PTPRD: variants seen among roughly 807,000 people sequenced by gnomAD.
PTPRD encodes the protein receptor-type tyrosine-protein phosphatase delta.
PTPRD carries 34 observed loss-of-function variants against 214.5 expected under a neutral mutation model. The observed-to-expected ratio is 0.16, with a 90% CI of 0.12 to 0.21. The LOEUF (loss-of-function observed/expected upper bound fraction) is 0.21. PTPRD is among the 10% of genes least tolerant of loss of function. PTPRD has a pLI of 1.00. For missense variants in PTPRD, 2,545 were observed against 2,398.7 expected (o/e 1.06, Z -1.27); for synonymous variants, 1,128 against 845.7 (o/e 1.33, Z -5.79).
intron 24 of PTPRD, 117 bp downstream of exon 24, chr9:8,500,637 A>G: frequency 1.1e-6 from 1 of 936,810 alleles, no homozygotes; most frequent in East Asian, 2.6e-5. Context: ...TACTAAAGTA[A>G]CAGCAATGCT....
At chr9:9,908,219 T>G (rs1185255725) in intron 5 of PTPRD, among the ~76,000 whole-genome samples, 1 of 152,084 alleles carries the variant, frequency 6.6e-6, no homozygotes, top group Non-Finnish European at 1.5e-5. Flanking sequence ...CTCTGGAATT[T>G]ACACATATAG....
chr9:8,829,927 T>A (rs1601192857), intron 11 of PTPRD, among the ~76,000 whole-genome samples: 1 of 152,316 alleles, frequency 6.6e-6, no homozygotes, highest in Admixed American at 6.5e-5. Flanking sequence ...TCATTAACTA[T>A]ATAATTCTAT....
At chr9:8,593,405 G>T (rs1287246957) in intron 14 of PTPRD, among the ~76,000 whole-genome samples, 1 of 152,132 alleles carries the variant, frequency 6.6e-6, no homozygotes, top group Non-Finnish European at 1.5e-5. Context: ...GGTCACACTT[G>T]TTTATTGTAA....
At position 9,851,582 on chromosome 9, in the gene PTPRD, C is replaced by G. The variant is rs2060557093; in HGVS notation, c.-367-84731G>C. ...TGTAAATATAAAGTTAGTGCAGGTACTTTTGTAGGATGTATCTATAATATG... is the reference window on the plus strand; with the variant it reads ...TGTAAATATAAAGTTAGTGCAGGTAGTTTTGTAGGATGTATCTATAATATG... On this transcript the variant is annotated intron_variant, in intron 5 of 45. Coordinates refer to ENST00000381196, the MANE Select transcript of PTPRD (RefSeq NM_002839.4). Among the ~76,000 whole-genome samples the G allele has an allele frequency of 2.0e-5, 3 of 152,244 alleles. No homozygotes were observed. The South Asian group carries it at 6.2e-4, about 32-fold the overall frequency.
chr9:9,711,097 C>T (rs950396383), intron 7 of PTPRD, among the ~76,000 whole-genome samples: 2 of 152,152 alleles, frequency 1.3e-5, no homozygotes, highest in South Asian at 2.1e-4. Context: ...TCAGGCCATG[C>T]GAGACCCTAA....
intron 2 of PTPRD, among the ~76,000 whole-genome samples, chr9:10,411,668 A>T (rs531790591): frequency 6.6e-6 from 1 of 151,696 alleles, no homozygotes; most frequent in East Asian, 2.0e-4. Context: ...TTGCTATTTG[A>T]TTTTTTTTAC....
intron 9 of PTPRD, among the ~76,000 whole-genome samples, chr9:9,351,844 C>A (rs1262023782): frequency 6.6e-6 from 1 of 151,936 alleles, no homozygotes; most frequent in Non-Finnish European, 1.5e-5. Flanking sequence ...CTCTGTGCCT[C>A]CATTTCTGTA....
At chr9:10,171,311 G>C (rs573603813) in intron 3 of PTPRD, among the ~76,000 whole-genome samples, 4 of 151,864 alleles carry the variant, frequency 2.6e-5, no homozygotes, top group African/African-American at 4.8e-5. Flanking sequence ...CACGGGGGTG[G>C]TTTCCTCCAT....
At chr9:8,354,695 G>C (rs2076529284) in intron 39 of PTPRD, among the ~76,000 whole-genome samples, 1 of 152,160 alleles carries the variant, frequency 6.6e-6, no homozygotes, top group East Asian at 1.9e-4. Context: ...AGATCACGTG[G>C]CTGTCACTAG....
intron 10 of PTPRD, among the ~76,000 whole-genome samples, chr9:9,026,428 T>A (rs1240974823): frequency 6.6e-6 from 1 of 151,932 alleles, no homozygotes; most frequent in African/African-American, 2.4e-5. Flanking sequence ...ACCATGATAA[T>A]AATGAGGAAG....
At chr9:9,579,030 A>T (rs956685144) in intron 7 of PTPRD, among the ~76,000 whole-genome samples, 3 of 152,142 alleles carry the variant, frequency 2.0e-5, no homozygotes, top group African/African-American at 7.2e-5. Flanking sequence ...ACACATTTTT[A>T]ATCCAAGGAG....
intron 11 of PTPRD, among the ~76,000 whole-genome samples, chr9:8,845,029 T>G (rs984980869): frequency 6.6e-6 from 1 of 152,146 alleles, no homozygotes; most frequent in African/African-American, 2.4e-5. Context: ...ACAAGTATAA[T>G]AGTGCTTTAC....
intron 5 of PTPRD, among the ~76,000 whole-genome samples, chr9:9,897,182 G>A (rs2075237989): frequency 1.3e-5 from 2 of 150,838 alleles, no homozygotes; most frequent in African/African-American, 2.4e-5. Flanking sequence ...CACCCCCTGG[G>A]GGTTGGTAAA....
At chr9:9,102,349 A>G (rs2099792538) in intron 10 of PTPRD, among the ~76,000 whole-genome samples, 1 of 152,178 alleles carries the variant, frequency 6.6e-6, no homozygotes, top group African/African-American at 2.4e-5. Context: ...GTAGTGCCTG[A>G]GTAGGGGTGA....
chr9:10,262,947 C>T (rs1392432608), intron 3 of PTPRD, among the ~76,000 whole-genome samples: 1 of 152,130 alleles, frequency 6.6e-6, no homozygotes, highest in East Asian at 1.9e-4. Context: ...TTCCCACATA[C>T]TGTTCTCGTG....
chr9:10,135,131 T>C (rs1403414600), intron 3 of PTPRD, among the ~76,000 whole-genome samples: 1 of 152,154 alleles, frequency 6.6e-6, no homozygotes, highest in Non-Finnish European at 1.5e-5. Flanking sequence ...GAATCTCAGA[T>C]CTTGAAGATA....
intron 10 of PTPRD, among the ~76,000 whole-genome samples, chr9:9,026,494 T>C (rs2099587482): frequency 6.6e-6 from 1 of 151,998 alleles, no homozygotes; most frequent in African/African-American, 2.4e-5. Context: ...GGGTCTTTCT[T>C]TGTCTAAATG....
At chr9:9,038,433 T>C (rs2099628765) in intron 10 of PTPRD, among the ~76,000 whole-genome samples, 1 of 152,020 alleles carries the variant, frequency 6.6e-6, no homozygotes, top group Non-Finnish European at 1.5e-5. Flanking sequence ...AGGCTGATAA[T>C]ACTGAACATG....
At chr9:9,908,298 T>C (rs1453269818) in intron 5 of PTPRD, among the ~76,000 whole-genome samples, 2 of 151,906 alleles carry the variant, frequency 1.3e-5, no homozygotes, top group Admixed American at 6.6e-5. Context: ...TCCACACTAA[T>C]AGTATCAATA....
Sources: gnomAD v4.1 joint callset for allele counts (sites outside exome capture counted in the v4.1 genomes callset) on GRCh38, gnomAD v4.1.1 for gene constraint, MANE v1.5 for transcripts, NCBI Gene and HGNC (gene_info 2026-07-23, HGNC 2026-07-21) for gene names.